The following ITGA5 variants were observed in gnomAD, a reference collection of about 807,000 sequenced individuals.
ITGA5 encodes the protein integrin alpha-5.
In ITGA5, 55 loss-of-function variants were observed where a neutral mutation model predicts 146.3. The observed-to-expected ratio is 0.38, with a 90% CI of 0.30 to 0.47. The LOEUF (loss-of-function observed/expected upper bound fraction) is 0.47. Ranked by LOEUF, ITGA5 falls within the 20% of genes least tolerant of loss-of-function variation. ITGA5 has a pLI of 0.99. For synonymous variants in ITGA5, 500 were observed against 531.8 expected, an observed-to-expected ratio of 0.94 and a Z score of 0.82; for missense variants, 1,131 against 1,329.0, an observed-to-expected ratio of 0.85 and a Z score of 2.32.
rs1405272562 is a variant in ITGA5 at position 54,399,694 on chromosome 12, C to T, written c.2792G>A (p.Ser931Asn). Reference sequence around the variant, plus strand: ...TCGGAAATGCAACTGCAGACTTTGGCTCTCTTGTTGGTGCAGGGGCCCGAG... The same window carrying T: ...TCGGAAATGCAACTGCAGACTTTGGTTCTCTTGTTGGTGCAGGGGCCCGAG... ...CELGPLHQQESQSLQLHFRVW... is the reference protein window; with the variant it reads ...CELGPLHQQENQSLQLHFRVW... The change falls in exon 27 of 30, where the codon AGC (serine) becomes AAC (asparagine). Residue 931 changes from serine to asparagine, a missense_variant. By Grantham distance (46) the Ser-to-Asn change is conservative. Transcript: ENST00000293379. The T allele has an allele frequency of 6.2e-7, 1 of 1,614,200 alleles. No individual in the cohort carries two copies. The highest frequency in any genetic ancestry group is 8.5e-7 in the Non-Finnish European group (1 of 1,180,032).
Position 54,396,121 on chromosome 12 carries a change from C to A in ITGA5, c.*172G>T, listed in dbSNP as rs1161135319. On this transcript the variant is annotated 3_prime_UTR_variant, in exon 30 of 30. Transcript: ENST00000293379. ...TTCACAGTGCATGGGGGGGAGGGATCCCCAGCTCCTCACCCCCCTGGCTCT... is the reference window on the plus strand; with the variant it reads ...TTCACAGTGCATGGGGGGGAGGGATACCCAGCTCCTCACCCCCCTGGCTCT... The A allele has an allele frequency of 3.4e-6, 2 of 595,184 alleles. No homozygotes were observed. Among genetic ancestry groups the A allele is most frequent in the East Asian group, 5.7e-5 (2 of 35,228 alleles). 36.9% of individuals were successfully genotyped at this position (595,184 alleles called of 1,614,324 possible). A position where few individuals can be genotyped will look rare whatever the true frequency, so the allele number is the denominator to read the frequency against.
chr12:54,410,771 C>T (rs577915118), intron 2 of ITGA5, among the ~76,000 whole-genome samples: 5 of 150,146 alleles, frequency 3.3e-5, no homozygotes, highest in African/African-American at 7.4e-5. Context: ...CTGTAGCCCA[C>T]GCTGGAGTGC....
intron 1 of ITGA5, among the ~76,000 whole-genome samples, chr12:54,412,924 G>A (rs1240592522): frequency 6.6e-6 from 1 of 152,174 alleles, no homozygotes; most frequent in African/African-American, 2.4e-5. Flanking sequence ...CTGGACCAGT[G>A]CTCCTGCCAG....
In ITGA5 at chr12:54,409,317, C is replaced by T. The variant is rs1955910337; in HGVS notation, c.498G>A (p.Lys166=). The T allele has an allele frequency of 6.2e-7, 1 of 1,613,838 alleles. No individual in the cohort carries two copies. Among genetic ancestry groups the T allele is most frequent in the East Asian group, 2.2e-5 (1 of 44,878 alleles). The change falls in exon 4 of 30, where the codon AAG becomes AAA. Residue 166 remains lysine, a synonymous_variant. Coordinates refer to ENST00000293379, the MANE Select transcript of ITGA5 (RefSeq NM_002205.5). This position sits in a 1 kb window ranked among gnomAD's most constrained non-coding sequence, Gnocchi z 4.7. The stretch of plus-strand genomic sequence containing the variant: ...TGCCCACGGGGTCGCTCAGTGGCTC[C>T]TTCTCTGTGCGCCAGCTGTACAGTG... ...CAPLYSWRTE[K]EPLSDPVGTC...
chr12:54,397,566 A>G, intron 28 of ITGA5, 79 bp from the exon 29 acceptor site: 1 of 1,557,336 alleles, frequency 6.4e-7, no homozygotes, highest in Non-Finnish European at 8.8e-7. Flanking sequence ...TTGTCATTGG[A>G]TCTGCAGAGC....
chr12:54,406,207 ATAGG>A, intron 9 of ITGA5: 1 of 513,358 alleles, frequency 1.9e-6, no homozygotes, highest in Non-Finnish European at 3.5e-6. Context: ...TGTAAGATCA[ATAGG>A]GGCAGGAACT....
chr12:54,401,403 GTCC>G lies in ITGA5; in HGVS notation c.2460_2462del (p.Glu820del), dbSNP rs1295348204. 1.9e-6 allele frequency: 3 copies of G among 1,613,388 alleles called. No homozygotes were observed. Among genetic ancestry groups the G allele is most frequent in the Non-Finnish European group, 2.5e-6 (3 of 1,179,648 alleles). ...AGACATGGTGGACAGCAGGTCCCAG[GTCC>G]TCCTCCTTCTGAGGCTGGTCTCGGG... On this transcript the variant is annotated inframe_deletion, in exon 24 of 30. Transcript: ENST00000293379. This position sits in a 1 kb window ranked among gnomAD's most constrained non-coding sequence, Gnocchi z 5.0.
intron 27 of ITGA5, 136 bp from the exon 28 acceptor site, chr12:54,398,834 T>C: frequency 6.2e-6 from 2 of 321,342 alleles, no homozygotes; most frequent in Non-Finnish European, 1.1e-5. Context: ...TCTCTCTCTC[T>C]CTTTTTTTTT....
intron 1 of ITGA5, 92 bp from the exon 2 acceptor site, chr12:54,412,056 C>T (rs1955952488): frequency 4.5e-6 from 5 of 1,108,552 alleles, no homozygotes; most frequent in Non-Finnish European, 6.1e-6. Context: ...TAGGCTGGGG[C>T]TGGCTGGGGG....
intron 27 of ITGA5, among the ~76,000 whole-genome samples, chr12:54,399,349 C>T (rs1214184436): frequency 1.3e-5 from 2 of 152,176 alleles, no homozygotes; most frequent in Admixed American, 6.5e-5. Flanking sequence ...ATGTGTTTAC[C>T]TCTCCACTAT....
At chr12:54,406,049 G>C in intron 9 of ITGA5, 123 bp from the exon 10 acceptor site, 1 of 826,558 alleles carries the variant, frequency 1.2e-6, no homozygotes. Context: ...ACTGTCCCTA[G>C]CTCCCTCTTC....
chr12:54,418,430 G>T (rs1379788888), intron 1 of ITGA5, among the ~76,000 whole-genome samples: 1 of 152,058 alleles, frequency 6.6e-6, no homozygotes, highest in South Asian at 2.1e-4. Context: ...TCTGAGTTGA[G>T]GGGGGAGGGG....
At position 54,419,245 on chromosome 12, in the gene ITGA5, C is replaced by A; in HGVS notation, c.-47G>T. 6.5e-7 allele frequency: 1 copy of A among 1,541,282 alleles called. No homozygotes were observed. ...TGGGGCCACCGACCCGGAGCCGCTT[C>A]CTAAACCTCCCAGAGGCGAATGACT... On this transcript the variant is annotated 5_prime_UTR_variant, in exon 1 of 30. Coordinates refer to ENST00000293379, the MANE Select transcript of ITGA5 (RefSeq NM_002205.5).
Position 54,401,315 on chromosome 12 carries a change from C to T in ITGA5, c.2493+58G>A. ...TCACATGGGTTCCAGCCATCTGTCA[C>T]TCATATTAGCTCCTCCTTTCCCATC... is the stretch of plus-strand genomic sequence containing the variant. On this transcript the variant is annotated intron_variant, in intron 24 of 29. Transcript: ENST00000293379. The surrounding 1 kb of genome is among the most constrained non-coding windows in gnomAD (Gnocchi z 5.0). 11 of 1,248,656 alleles carry T rather than the reference C, an allele frequency of 8.8e-6. No homozygotes were observed. The highest frequency in any genetic ancestry group is 5.9e-6 in the Non-Finnish European group (5 of 848,680). 77.3% of individuals were successfully genotyped at this position (1,248,656 alleles called of 1,614,324 possible).
Position 54,403,469 on chromosome 12 carries a change from C to T in ITGA5, c.1777-145G>A. 7.8e-7 allele frequency: 1 copy of T among 1,273,928 alleles called. No homozygotes were observed. The highest frequency in any genetic ancestry group is 1.1e-6 in the Non-Finnish European group (1 of 928,192). 78.9% of individuals were successfully genotyped at this position (1,273,928 alleles called of 1,614,324 possible). A position where few individuals can be genotyped will look rare whatever the true frequency, so the allele number is the denominator to read the frequency against. On this transcript the variant is annotated intron_variant, in intron 17 of 29. Coordinates refer to ENST00000293379, the MANE Select transcript of ITGA5 (RefSeq NM_002205.5). This position sits in a 1 kb window ranked among gnomAD's most constrained non-coding sequence, Gnocchi z 4.9. Reference sequence around the variant, plus strand: ...TTTCAGAGGCCCTGGCAGCCTGCTTCCCAGCTCCTCTGACAGAAGGTCTCC... The same window carrying T: ...TTTCAGAGGCCCTGGCAGCCTGCTTTCCAGCTCCTCTGACAGAAGGTCTCC...
intron 29 of ITGA5, 46 bp from the exon 30 acceptor site, chr12:54,396,422 T>C (rs1373716106): frequency 7.0e-7 from 1 of 1,427,628 alleles, no homozygotes; most frequent in East Asian, 2.3e-5. Flanking sequence ...ATGGCTGCCA[T>C]TTCTCCACAG....
Position 54,396,299 on chromosome 12 carries a change from A to G in ITGA5, c.3144T>C (p.Asp1048=). Reference sequence around the variant, plus strand: ...AGTCTGAAATTGGGAGGACTCAGGCATCAGAGGTGGCTGGAGGCTTGAGCT... The same window carrying G: ...AGTCTGAAATTGGGAGGACTCAGGCGTCAGAGGTGGCTGGAGGCTTGAGCT... The part of the protein sequence containing the change: ...KAQLKPPATS[D]A Residue 1048 remains aspartate, a synonymous_variant, in exon 30 of 30, where the codon GAT becomes GAC. Transcript: ENST00000293379. 1 of 1,613,200 alleles carries G rather than the reference A, an allele frequency of 6.2e-7. No homozygotes were observed. Among genetic ancestry groups the G allele is most frequent in the Non-Finnish European group, 8.5e-7 (1 of 1,179,172 alleles).
intron 9 of ITGA5, among the ~76,000 whole-genome samples, chr12:54,406,878 A>T (rs948110194): frequency 6.6e-6 from 1 of 152,108 alleles, no homozygotes; most frequent in Admixed American, 6.5e-5. Context: ...TTTCCCCTAA[A>T]CTGCTATGCC....
In ITGA5 at chr12:54,408,929, A is replaced by G; in HGVS notation, c.609T>C (p.Gly203=). ...CGGCACTGAAGCCTCCTTGGCAGTA[A>G]CCCTGTCCTGCTGCCCAGCTGAAAT... ...RSDFSWAAGQ[G]YCQGGFSAEF... Residue 203 remains glycine (G), a synonymous_variant, in exon 5 of 30, where the codon GGT becomes GGC. Coordinates refer to ENST00000293379, the MANE Select transcript of ITGA5 (RefSeq NM_002205.5). 6.2e-7 allele frequency: 1 copy of G among 1,614,096 alleles called. No individual in the cohort carries two copies. Among genetic ancestry groups the G allele is most frequent in the Non-Finnish European group, 8.5e-7 (1 of 1,180,022 alleles).
Sources: allele counts gnomAD v4.1 joint callset (sites outside exome capture counted in the v4.1 genomes callset), GRCh38; gene constraint gnomAD v4.1.1; non-coding constraint Gnocchi (gnomAD v3.1); transcripts MANE v1.5; gene names NCBI Gene and HGNC (gene_info 2026-07-23, HGNC 2026-07-21).